The following PPAT variants were observed in gnomAD, a reference collection of about 807,000 sequenced individuals.
PPAT encodes amidophosphoribosyltransferase.
In PPAT, 20 loss-of-function variants were observed where a neutral mutation model predicts 60.2. The ratio of observed to expected loss-of-function variants is 0.33; its 90% CI spans 0.23 to 0.48. PPAT has a LOEUF of 0.48. PPAT is among the 20% of genes least tolerant of loss of function. The pLI is 0.99. For missense variants in PPAT, 349 were observed against 629.6 expected (o/e 0.55, Z 4.77); for synonymous variants, 194 against 215.1 (o/e 0.90, Z 0.86).
At position 56,395,074 on chromosome 4, in the gene PPAT, T is replaced by C. The variant is rs559984575; in HGVS notation, c.*278A>G. The C allele has an allele frequency of 3.0e-6, 1 of 332,120 alleles. No individual in the cohort carries two copies. The highest frequency in any genetic ancestry group is 5.4e-6 in the Non-Finnish European group (1 of 184,210). The allele number at this position is 332,120 out of a possible 1,614,324, so 20.6% of individuals were successfully genotyped here. A position where few individuals can be genotyped will look rare whatever the true frequency, so the allele number is the denominator to read the frequency against. Reference sequence around the variant, plus strand: ...CTTTAAAGCATGGACTTGGGAAATGTCAGTGACCACCTGCCTTCTCTGACC... The same window carrying C: ...CTTTAAAGCATGGACTTGGGAAATGCCAGTGACCACCTGCCTTCTCTGACC... On this transcript the variant is annotated 3_prime_UTR_variant, in exon 11 of 11. Coordinates refer to ENST00000264220, the MANE Select transcript of PPAT (RefSeq NM_002703.5).
At chr4:56,395,661 T>A in intron 10 of PPAT, 113 bp from the exon 11 acceptor site, 3 of 708,204 alleles carry the variant, frequency 4.2e-6, no homozygotes, top group Non-Finnish European at 5.9e-6. Flanking sequence ...AAATTTCTCC[T>A]TTAGCCTTTC....
intron 3 of PPAT, among the ~76,000 whole-genome samples, chr4:56,404,571 A>G (rs1437934488): frequency 6.9e-6 from 1 of 145,928 alleles, no homozygotes; most frequent in African/African-American, 2.5e-5. Flanking sequence ...AGGTAAAGAT[A>G]AAGTTTAGCA....
rs964346249 is a variant in PPAT, at chr4:56,393,971, C to G, written c.*1381G>C. The G allele has an allele frequency of 1.6e-4, 25 of 152,038 alleles. No individual in the cohort carries two copies. The highest frequency in any genetic ancestry group is 5.5e-4 in the African/African-American group (23 of 41,468). 9.4% of individuals were successfully genotyped at this position (152,038 alleles called of 1,614,324 possible). A position where few individuals can be genotyped will look rare whatever the true frequency, so the allele number is the denominator to read the frequency against. On this transcript the variant is annotated 3_prime_UTR_variant, in exon 11 of 11. Coordinates refer to ENST00000264220, the MANE Select transcript of PPAT (RefSeq NM_002703.5). ...TCTTGGCCTGCTATAATATAATATG[C>G]GAGACTATATACCAAAGGAAGACAA... is the stretch of plus-strand genomic sequence containing the variant.
intron 9 of PPAT, among the ~76,000 whole-genome samples, chr4:56,397,993 G>A (rs7673373): frequency 0.34 from 51,599 of 151,854 alleles, 9,374 homozygotes; most frequent in Non-Finnish European, 0.41. Flanking sequence ...AGTAAGCTGA[G>A]ATCGAACCAC....
In PPAT at chr4:56,399,420, AG is replaced by A; in HGVS notation, c.1015-21del. 1.3e-6 allele frequency: 2 copies of A among 1,569,138 alleles called. No homozygotes were observed. Among genetic ancestry groups the A allele is most frequent in the Non-Finnish European group, 1.8e-6 (2 of 1,139,992 alleles). ...TCCACACTGATAGAGAAGAAATGAA[AG>A]GATAATGAGGAGTAATATACAGAAT... On this transcript the variant is annotated intron_variant, in intron 8 of 10. Transcript: ENST00000264220.
chr4:56,403,904 T>C lies in PPAT; in HGVS notation c.403-503A>G, dbSNP rs568169538. On this transcript the variant is annotated intron_variant, in intron 3 of 10. Coordinates refer to ENST00000264220, the MANE Select transcript of PPAT (RefSeq NM_002703.5). Reference sequence around the variant, plus strand: ...GGAGAATCTAATGCTGCTGCTGATCTGGACAGGAGACAGAGCTCAGGTGGT... The same window carrying C: ...GGAGAATCTAATGCTGCTGCTGATCCGGACAGGAGACAGAGCTCAGGTGGT... 9.7e-5 allele frequency: 30 copies of C among 308,840 alleles called. 1 individual carries two copies. The highest frequency in any genetic ancestry group is 7.2e-4 in the South Asian group (25 of 34,670). 19.1% of individuals were successfully genotyped at this position (308,840 alleles called of 1,614,324 possible).
At chr4:56,413,715 G>T (rs1276775473) in intron 1 of PPAT, among the ~76,000 whole-genome samples, 2 of 151,784 alleles carry the variant, frequency 1.3e-5, no homozygotes, top group African/African-American at 4.8e-5. Context: ...GACCAACATG[G>T]TGAAACCCCG....
intron 1 of PPAT, among the ~76,000 whole-genome samples, chr4:56,429,434 C>T (rs934679029): frequency 5.3e-5 from 8 of 152,074 alleles, no homozygotes; most frequent in African/African-American, 1.9e-4. Flanking sequence ...AACTCAGAAG[C>T]CAACCTAATA....
chr4:56,402,818 T>TC (rs1186839047), intron 5 of PPAT, among the ~76,000 whole-genome samples: 1 of 45,054 alleles, frequency 2.2e-5, no homozygotes, highest in Non-Finnish European at 3.6e-5. Flanking sequence ...AAACTCGGTC[T>TC]CCAAAAAAAA....
At chr4:56,429,297 T>C (rs1466674320) in intron 1 of PPAT, among the ~76,000 whole-genome samples, 1 of 152,328 alleles carries the variant, frequency 6.6e-6, no homozygotes, top group Middle Eastern at 3.4e-3. Context: ...TTGGTTATCA[T>C]GGTCCTTTAA....
intron 1 of PPAT, among the ~76,000 whole-genome samples, chr4:56,411,439 T>C (rs1716457774): frequency 6.6e-6 from 1 of 152,208 alleles, no homozygotes; most frequent in Admixed American, 6.5e-5. Context: ...CAGCTCCATT[T>C]TAACAATGAA....
At position 56,403,079 on chromosome 4, in the gene PPAT, T is replaced by A; in HGVS notation, c.622A>T (p.Ile208Phe). The A allele has an allele frequency of 6.2e-7, 1 of 1,612,680 alleles. No individual in the cohort carries two copies. Among genetic ancestry groups the A allele is most frequent in the African/African-American group, 1.3e-5 (1 of 74,968 alleles). Residue 208 changes from isoleucine (I) to phenylalanine (F), a missense_variant, in exon 5 of 11, where the codon ATT (isoleucine) becomes TTT (phenylalanine). Coordinates refer to ENST00000264220, the MANE Select transcript of PPAT (RefSeq NM_002703.5). Reference protein sequence around the residue: ...RDPYGNRPLCIGRLIPVSDIN... With the variant: ...RDPYGNRPLCFGRLIPVSDIN... ...TCAGACACTGGAATAAGACGACCAA[T>A]GCATAAGGGACGATTTCCATAAGGA...
chr4:56,398,921 G>C (rs1241644934), intron 9 of PPAT, among the ~76,000 whole-genome samples: 1 of 152,090 alleles, frequency 6.6e-6, no homozygotes, highest in African/African-American at 2.4e-5. Flanking sequence ...CAAAGTACTG[G>C]GATTACAGGC....
At chr4:56,395,659 C>T in intron 10 of PPAT, 111 bp from the exon 11 acceptor site, 1 of 705,296 alleles carries the variant, frequency 1.4e-6, no homozygotes, top group Non-Finnish European at 2.0e-6. Flanking sequence ...ATAAATTTCT[C>T]CTTTAGCCTT....
chr4:56,409,657 T>G (rs540445775), intron 1 of PPAT, among the ~76,000 whole-genome samples: 7 of 152,320 alleles, frequency 4.6e-5, no homozygotes, highest in African/African-American at 1.4e-4. Flanking sequence ...CTCATAAAGG[T>G]TCCAACTGCT....
rs201250405 is a variant in PPAT, at chr4:56,396,592, A to T, written c.1357+27T>A. 1.3e-6 allele frequency: 2 copies of T among 1,578,842 alleles called. No homozygotes were observed. The highest frequency in any genetic ancestry group is 1.7e-6 in the Non-Finnish European group (2 of 1,154,436). ...CTTTGGATTTTCTCTGTTAATAATC[A>T]AAGTTTATAGAAATTTTAATACTTA... On this transcript the variant is annotated intron_variant, in intron 10 of 10. Coordinates refer to ENST00000264220, the MANE Select transcript of PPAT (RefSeq NM_002703.5). The surrounding 1 kb of genome is among the most constrained non-coding windows in gnomAD (Gnocchi z 4.6).
At chr4:56,428,978 A>T in intron 1 of PPAT, 6 of 979,704 alleles carry the variant, frequency 6.1e-6, no homozygotes, top group Non-Finnish European at 7.3e-6. Flanking sequence ...AGGAACTTTG[A>T]GCTTCAAGAG....
intron 1 of PPAT, chr4:56,422,909 T>A (rs1339609025): frequency 6.6e-6 from 1 of 152,056 alleles, no homozygotes; most frequent in African/African-American, 2.4e-5. Flanking sequence ...TTGGGCCCCA[T>A]CCAGAATCAG....
intron 1 of PPAT, chr4:56,431,396 G>A (rs552997229): frequency 3.1e-6 from 3 of 970,806 alleles, no homozygotes; most frequent in African/African-American, 3.5e-5. Context: ...CTTTCCAGTG[G>A]TAATGTTCTG....
Sources: gnomAD v4.1 joint callset for allele counts (sites outside exome capture counted in the v4.1 genomes callset) on GRCh38, gnomAD v4.1.1 for gene constraint, Gnocchi (gnomAD v3.1) non-coding constraint, MANE v1.5 for transcripts, NCBI Gene and HGNC (gene_info 2026-07-23, HGNC 2026-07-21) for gene names.